Variants in HAPLN1 observed in about 807,000 individuals in gnomAD.
HAPLN1 encodes the protein Cartilage link protein.
Under a neutral mutation model 36.5 loss-of-function variants are expected in HAPLN1, and 13 were observed. The ratio of observed to expected loss-of-function variants is 0.36; its 90% CI spans 0.23 to 0.57. The LOEUF is 0.57. Among genes scored for constraint, HAPLN1 ranks in the 20% least tolerant of loss-of-function variants. The probability of loss-of-function intolerance (pLI) is 0.83; values close to 1 mark genes in which losing one functional copy is unlikely to be tolerated. For synonymous variants in HAPLN1, 202 were observed against 169.8 expected (o/e 1.19, Z -1.48); for missense variants, 407 against 439.7 (o/e 0.93, Z 0.66).
intron 1 of HAPLN1, among the ~76,000 whole-genome samples, chr5:83,709,987 A>G (rs573598617): frequency 3.6e-4 from 55 of 152,318 alleles, no homozygotes; most frequent in African/African-American, 1.3e-3. Context: ...TGGAGAGAAA[A>G]TGGTGCTATT....
In HAPLN1 at chr5:83,680,086, A is replaced by G. The variant is rs375500479; in HGVS notation, c.-26-6537T>C. On this transcript the variant is annotated intron_variant, in intron 1 of 4. Coordinates refer to ENST00000274341, the MANE Select transcript of HAPLN1 (RefSeq NM_001884.4). Reference sequence around the variant, plus strand: ...CTTTGCTAGCTCTCTCTCTCAGACAATATTGACAGGGTTTGAGACAAACTC... The same window carrying G: ...CTTTGCTAGCTCTCTCTCTCAGACAGTATTGACAGGGTTTGAGACAAACTC... 2.1e-4 allele frequency among the ~76,000 whole-genome samples: 32 copies of G among 152,244 alleles called. No individual in the cohort carries two copies. The East Asian group carries it at 4.3e-3, about 20-fold the overall frequency.
intron 1 of HAPLN1, among the ~76,000 whole-genome samples, chr5:83,679,458 C>T (rs183516337): frequency 6.6e-6 from 1 of 152,232 alleles, no homozygotes; most frequent in African/African-American, 2.4e-5. Context: ...CTTTTCTATT[C>T]TCTTTCTAAC....
chr5:83,673,350 C>G (rs987791024), intron 2 of HAPLN1, 74 bp downstream of exon 2: 9 of 1,005,200 alleles, frequency 9.0e-6, no homozygotes, highest in South Asian at 1.5e-5. Context: ...AATTAAGAAA[C>G]ACTAGCCCAG....
intron 2 of HAPLN1, among the ~76,000 whole-genome samples, chr5:83,667,262 A>G (rs967944851): frequency 2.0e-5 from 3 of 152,226 alleles, no homozygotes; most frequent in African/African-American, 7.2e-5. Flanking sequence ...TAATATGGTG[A>G]TATTCCAAGT....
At chr5:83,660,902 C>T (rs13183042) in intron 2 of HAPLN1, among the ~76,000 whole-genome samples, 29,275 of 152,064 alleles carry the variant, frequency 0.19, 2,976 homozygotes, top group East Asian at 0.29. Flanking sequence ...AGCTTGGTGC[C>T]TGGCCTATAG....
rs1250634609 is a variant in HAPLN1, at chr5:83,640,792, TA to T, written c.*703del. The stretch of plus-strand genomic sequence containing the variant: ...ATGTGTAATTTTAATTATAAGAAGG[TA>T]GAAGTCTTTTTCATTGGTTAAATAT... On this transcript the variant is annotated 3_prime_UTR_variant, in exon 5 of 5. Transcript: ENST00000274341. The T allele has an allele frequency of 6.6e-6, 1 of 152,116 alleles. No homozygotes were observed. The highest frequency in any genetic ancestry group is 1.5e-5 in the Non-Finnish European group (1 of 68,004). 9.4% of individuals were successfully genotyped at this position (152,116 alleles called of 1,614,324 possible).
chr5:83,715,083 T>C (rs1383811109), intron 1 of HAPLN1, among the ~76,000 whole-genome samples: 1 of 151,706 alleles, frequency 6.6e-6, no homozygotes, highest in Non-Finnish European at 1.5e-5. Context: ...ACACAGGGAG[T>C]GGAGATAACT....
chr5:83,716,237 T>C (rs1016926332), intron 1 of HAPLN1, among the ~76,000 whole-genome samples: 2 of 152,196 alleles, frequency 1.3e-5, no homozygotes, highest in Non-Finnish European at 2.9e-5. Context: ...TTTAATTGGA[T>C]ATTATAGTAA....
intron 1 of HAPLN1, among the ~76,000 whole-genome samples, chr5:83,700,637 C>T (rs554825302): frequency 2.7e-5 from 4 of 148,988 alleles, no homozygotes; most frequent in Non-Finnish European, 1.5e-5. Flanking sequence ...CTCAAACTCT[C>T]CTTTCAAACT....
chr5:83,677,272 G>C (rs1439488410), intron 1 of HAPLN1, among the ~76,000 whole-genome samples: 1 of 152,148 alleles, frequency 6.6e-6, no homozygotes, highest in Non-Finnish European at 1.5e-5. Context: ...TACCCAGCAT[G>C]TACAACAAGG....
intron 2 of HAPLN1, among the ~76,000 whole-genome samples, chr5:83,671,720 T>C (rs1455332095): frequency 6.6e-6 from 1 of 152,246 alleles, no homozygotes; most frequent in Non-Finnish European, 1.5e-5. Flanking sequence ...CATAATCCTA[T>C]GACCCAAATC....
intron 2 of HAPLN1, among the ~76,000 whole-genome samples, chr5:83,658,081 A>G (rs988534971): frequency 1.3e-5 from 2 of 152,150 alleles, no homozygotes; most frequent in Non-Finnish European, 2.9e-5. Context: ...ACTGATAGAC[A>G]TAGACTCAAT....
intron 3 of HAPLN1, among the ~76,000 whole-genome samples, chr5:83,649,105 T>A: frequency 6.6e-6 from 1 of 152,210 alleles, no homozygotes; most frequent in South Asian, 2.1e-4. Context: ...AATTATTCAG[T>A]GGTAGTGGGA....
intron 4 of HAPLN1, among the ~76,000 whole-genome samples, chr5:83,643,752 C>T (rs1340986817): frequency 1.3e-5 from 2 of 152,154 alleles, no homozygotes; most frequent in East Asian, 3.9e-4. Context: ...GCACCCAGCC[C>T]ACATTTTCAT....
intron 1 of HAPLN1, among the ~76,000 whole-genome samples, chr5:83,691,390 T>A (rs1323088414): frequency 6.6e-6 from 1 of 151,944 alleles, no homozygotes; most frequent in Admixed American, 6.6e-5. Context: ...AAGGAAAAAA[T>A]GATCCTAAAG....
At chr5:83,719,658 A>G (rs1163260281) in intron 1 of HAPLN1, among the ~76,000 whole-genome samples, 2 of 152,198 alleles carry the variant, frequency 1.3e-5, no homozygotes, top group African/African-American at 4.8e-5. Context: ...AAAGATAACT[A>G]CTATGATATA....
At chr5:83,706,758 G>A (rs6614306) in intron 1 of HAPLN1, among the ~76,000 whole-genome samples, 93 of 152,254 alleles carry the variant, frequency 6.1e-4, no homozygotes, top group African/African-American at 2.2e-3. Flanking sequence ...AAGAAATACA[G>A]GGAATCCAAA....
chr5:83,652,331 C>T (rs1156316244), intron 3 of HAPLN1, 122 bp downstream of exon 3: 7 of 924,928 alleles, frequency 7.6e-6, no homozygotes, highest in Non-Finnish European at 1.1e-5. Context: ...GAATAAGATG[C>T]CAGGCAAGGA....
At chr5:83,687,101 T>C (rs1302643276) in intron 1 of HAPLN1, among the ~76,000 whole-genome samples, 1 of 152,134 alleles carries the variant, frequency 6.6e-6, no homozygotes, top group Non-Finnish European at 1.5e-5. Flanking sequence ...GAAGAGCAAG[T>C]GGTATTTATA....
Sources: gnomAD v4.1 joint callset for allele counts (sites outside exome capture counted in the v4.1 genomes callset) on GRCh38, gnomAD v4.1.1 for gene constraint, MANE v1.5 for transcripts, NCBI Gene and HGNC (gene_info 2026-07-23, HGNC 2026-07-21) for gene names.